The following DCC variants were observed in gnomAD, a reference collection of about 807,000 sequenced individuals.
DCC encodes netrin receptor DCC.
A neutral mutation model predicts 172.5 loss-of-function variants in DCC; 58 were observed. The observed-to-expected ratio is 0.34, with a 90% confidence interval of 0.27 to 0.42. The LOEUF (loss-of-function observed/expected upper bound fraction) is 0.42, where lower values mean the gene tolerates loss of function less well. DCC is among the 10% of genes least tolerant of loss of function. The probability of loss-of-function intolerance (pLI) is 1.00; values close to 1 mark genes in which losing one functional copy is unlikely to be tolerated. For synonymous variants in DCC, 709 were observed against 644.5 expected, an observed-to-expected ratio of 1.10 and a Z score of -1.52; for missense variants, 1,740 against 1,791.0, an observed-to-expected ratio of 0.97 and a Z score of 0.51.
At chr18:53,529,354 G>A (rs894323710) in intron 28 of DCC, among the ~76,000 whole-genome samples, 2 of 152,252 alleles carry the variant, frequency 1.3e-5, no homozygotes, top group African/African-American at 4.8e-5. Flanking sequence ...TCTGATCATA[G>A]TGCTAAGGAA....
chr18:52,984,381 A>G (rs1291462273), intron 5 of DCC, among the ~76,000 whole-genome samples: 1 of 152,224 alleles, frequency 6.6e-6, no homozygotes, highest in African/African-American at 2.4e-5. Flanking sequence ...TCACTTTGAG[A>G]AACCACTCAT....
intron 7 of DCC, among the ~76,000 whole-genome samples, chr18:53,081,901 T>C (rs766058203): frequency 2.0e-5 from 3 of 152,094 alleles, no homozygotes; most frequent in East Asian, 1.9e-4. Context: ...GGTGTGGGAA[T>C]TGGGGACAGT....
chr18:52,453,988 C>T (rs965144057), intron 1 of DCC, among the ~76,000 whole-genome samples: 3 of 152,164 alleles, frequency 2.0e-5, no homozygotes, highest in African/African-American at 4.8e-5. Flanking sequence ...ACCTAGGAAA[C>T]GACCTCATCA....
intron 1 of DCC, among the ~76,000 whole-genome samples, chr18:52,395,956 T>A (rs1420136952): frequency 6.6e-6 from 1 of 151,986 alleles, no homozygotes; most frequent in East Asian, 1.9e-4. Flanking sequence ...TTCACATAAG[T>A]CAGGATATAC....
intron 7 of DCC, among the ~76,000 whole-genome samples, chr18:53,076,619 T>C (rs2042728300): frequency 6.7e-6 from 1 of 149,022 alleles, no homozygotes; most frequent in South Asian, 2.1e-4. Context: ...AGGGATTCCA[T>C]GTTGGTCTCA....
intron 22 of DCC, among the ~76,000 whole-genome samples, chr18:53,439,267 T>C (rs953724098): frequency 1.3e-5 from 2 of 152,238 alleles, no homozygotes; most frequent in Non-Finnish European, 2.9e-5. Flanking sequence ...TTTTTGCTAA[T>C]GTCTTAAGCT....
rs573755743 is a variant in DCC at position 53,331,363 on chromosome 18, G to A, written c.2165-8350G>A. Among the ~76,000 whole-genome samples, 35 of 152,254 alleles carry A rather than the reference G, an allele frequency of 2.3e-4. 1 individual carries two copies. In the South Asian group the frequency reaches 7.1e-3, roughly 31 times the overall value. On this transcript the variant is annotated intron_variant, in intron 14 of 28. Transcript: ENST00000442544. The stretch of plus-strand genomic sequence containing the variant: ...ATCTCTGCCTCCCCATACAGAATAA[G>A]GTTTACGGTTTGAATGGCCATGGAG...
At chr18:53,089,960 C>T (rs1338162535) in intron 7 of DCC, among the ~76,000 whole-genome samples, 3 of 152,110 alleles carry the variant, frequency 2.0e-5, no homozygotes, top group Non-Finnish European at 4.4e-5. Flanking sequence ...ATACCAATTT[C>T]CAGTACAAAT....
At chr18:52,590,359 A>T (rs186350160) in intron 1 of DCC, among the ~76,000 whole-genome samples, 14 of 152,298 alleles carry the variant, frequency 9.2e-5, no homozygotes, top group Non-Finnish European at 4.4e-5. Context: ...AAATTACCAG[A>T]TGTTTTTGGC....
At chr18:53,344,974 C>A (rs904083996) in intron 15 of DCC, among the ~76,000 whole-genome samples, 3 of 151,266 alleles carry the variant, frequency 2.0e-5, no homozygotes, top group Non-Finnish European at 2.9e-5. Flanking sequence ...AGACTAAATA[C>A]TTTAGGCTTC....
intron 1 of DCC, among the ~76,000 whole-genome samples, chr18:52,494,669 C>A (rs955577702): frequency 4.6e-5 from 7 of 151,906 alleles, no homozygotes; most frequent in East Asian, 1.9e-4. Context: ...TCATTGGATT[C>A]TTTTTATAAA....
At chr18:52,736,065 T>C (rs2036723261) in intron 1 of DCC, among the ~76,000 whole-genome samples, 5 of 152,060 alleles carry the variant, frequency 3.3e-5, no homozygotes. Context: ...AGAAATAACA[T>C]ATATAAGCAG....
At chr18:53,214,733 C>G (rs74681568) in intron 11 of DCC, among the ~76,000 whole-genome samples, 2,394 of 152,128 alleles carry the variant, frequency 0.016, 25 homozygotes, top group Non-Finnish European at 0.023. Flanking sequence ...ATTTTTCATC[C>G]CAGACATCTA....
At chr18:52,925,194 C>T (rs2040182482) in intron 4 of DCC, 40 bp from the exon 5 acceptor site, 2 of 1,591,418 alleles carry the variant, frequency 1.3e-6, no homozygotes, top group African/African-American at 1.3e-5. Context: ...TTAATATATA[C>T]ATATGTTAAT....
At chr18:52,703,158 A>G (rs781456398) in intron 1 of DCC, among the ~76,000 whole-genome samples, 1 of 152,132 alleles carries the variant, frequency 6.6e-6, no homozygotes. Context: ...AATTTTTAAA[A>G]TCTTCTGAAT....
intron 25 of DCC, among the ~76,000 whole-genome samples, chr18:53,468,415 C>T (rs375608742): frequency 6.1e-4 from 27 of 44,346 alleles, no homozygotes; most frequent in African/African-American, 1.5e-3. Context: ...CAGAATCTTG[C>T]TGTGTTGCCC....
At chr18:53,374,206 T>C (rs2058087623) in intron 15 of DCC, among the ~76,000 whole-genome samples, 1 of 152,216 alleles carries the variant, frequency 6.6e-6, no homozygotes, top group East Asian at 1.9e-4. Flanking sequence ...ACTCACATTG[T>C]AAGTACTCAA....
intron 1 of DCC, among the ~76,000 whole-genome samples, chr18:52,701,518 C>T (rs2036122434): frequency 6.6e-6 from 1 of 152,086 alleles, no homozygotes. Flanking sequence ...ACATATTTTT[C>T]CTCTTCACAC....
At chr18:52,651,882 G>A (rs969886271) in intron 1 of DCC, among the ~76,000 whole-genome samples, 3 of 152,210 alleles carry the variant, frequency 2.0e-5, no homozygotes, top group East Asian at 3.9e-4. Context: ...AAATTAACTG[G>A]TTTAGAATTT....
Sources: gnomAD v4.1 joint callset for allele counts (sites outside exome capture counted in the v4.1 genomes callset) on GRCh38, gnomAD v4.1.1 for gene constraint, MANE v1.5 for transcripts, NCBI Gene and HGNC (gene_info 2026-07-23, HGNC 2026-07-21) for gene names.